Variants in C21orf91 observed in about 807,000 individuals in gnomAD.
C21orf91 encodes the protein protein EURL homolog.
Under a neutral mutation model 32.9 loss-of-function variants are expected in C21orf91, and 26 were observed. That is an observed-to-expected ratio of 0.79 (90% CI 0.58 to 1.10). The LOEUF (loss-of-function observed/expected upper bound fraction) is 1.10, where lower values mean the gene tolerates loss of function less well. Among genes scored for constraint, C21orf91 ranks in the 50% least tolerant of loss-of-function variants. The pLI is 0.00. For synonymous variants in C21orf91, 126 were observed against 120.4 expected, an observed-to-expected ratio of 1.05 and a Z score of -0.31; for missense variants, 310 against 341.3, an observed-to-expected ratio of 0.91 and a Z score of 0.72.
At chr21:17,808,073 CTTTG>C (rs2146258405) in intron 2 of C21orf91, among the ~76,000 whole-genome samples, 1 of 152,188 alleles carries the variant, frequency 6.6e-6, no homozygotes, top group East Asian at 1.9e-4. Flanking sequence ...TTTCAGAGAC[CTTTG>C]TTGCAGCCCT....
chr21:17,818,226 G>A lies in C21orf91; in HGVS notation c.93C>T (p.Ser31=). The A allele has an allele frequency of 6.2e-7, 1 of 1,610,414 alleles. No individual in the cohort carries two copies. Among genetic ancestry groups the A allele is most frequent in the Non-Finnish European group, 8.5e-7 (1 of 1,176,700 alleles). The stretch of plus-strand genomic sequence containing the variant: ...TTAGCTCAAAACAAATGTGGCAGAA[G>A]GAGAGTGTTTCTTTGTCTGTTCCCA... ...CKLGTDKETL[S]FCHICFELNI... Residue 31 remains serine, a synonymous_variant, in exon 2 of 5, where the codon TCC becomes TCT. Coordinates refer to ENST00000284881, the MANE Select transcript of C21orf91 (RefSeq NM_001100420.2).
chr21:17,798,320 C>T (rs1252456768), intron 2 of C21orf91, among the ~76,000 whole-genome samples: 2 of 152,218 alleles, frequency 1.3e-5, no homozygotes, highest in Non-Finnish European at 2.9e-5. Flanking sequence ...TATTAGCATA[C>T]TTGTGAATAT....
At chr21:17,814,855 C>T (rs557859088) in intron 2 of C21orf91, among the ~76,000 whole-genome samples, 2 of 152,252 alleles carry the variant, frequency 1.3e-5, no homozygotes, top group Admixed American at 6.5e-5. Flanking sequence ...CAGATCCAAA[C>T]CATATCAAAT....
intron 3 of C21orf91, among the ~76,000 whole-genome samples, chr21:17,796,133 A>T (rs1003904455): frequency 6.6e-6 from 1 of 152,194 alleles, no homozygotes; most frequent in African/African-American, 2.4e-5. Context: ...AGAGAGAATG[A>T]GTCACCCTTT....
chr21:17,802,203 C>T (rs1325330758), intron 2 of C21orf91, among the ~76,000 whole-genome samples: 4 of 152,308 alleles, frequency 2.6e-5, no homozygotes, highest in South Asian at 4.1e-4. Flanking sequence ...CCTTGTTGCC[C>T]GGGCTGAAGT....
At chr21:17,802,156 G>A (rs889587955) in intron 2 of C21orf91, among the ~76,000 whole-genome samples, 1 of 152,060 alleles carries the variant, frequency 6.6e-6, no homozygotes, top group African/African-American at 2.4e-5. Flanking sequence ...AGCTCTAGTT[G>A]CCATCATTAC....
chr21:17,804,004 TAATG>T (rs1208039204), intron 2 of C21orf91, among the ~76,000 whole-genome samples: 1 of 152,194 alleles, frequency 6.6e-6, no homozygotes, highest in Non-Finnish European at 1.5e-5. Flanking sequence ...ATTATTTCCT[TAATG>T]AAAGCACTTG....
At chr21:17,793,615 T>G in intron 4 of C21orf91, 34 bp from the exon 5 acceptor site, 1 of 1,433,032 alleles carries the variant, frequency 7.0e-7, no homozygotes, top group Non-Finnish European at 9.8e-7. Flanking sequence ...ATTTTTAGTA[T>G]GCAGAAAGCC....
At chr21:17,814,992 C>T (rs961218791) in intron 2 of C21orf91, among the ~76,000 whole-genome samples, 1 of 152,158 alleles carries the variant, frequency 6.6e-6, no homozygotes, top group Non-Finnish European at 1.5e-5. Flanking sequence ...ATGTAGGCTC[C>T]TCTTTCTTTT....
Position 17,789,970 on chromosome 21 carries a change from A to G in C21orf91, c.*3445T>C, listed in dbSNP as rs2062460435. On this transcript the variant is annotated 3_prime_UTR_variant, in exon 5 of 5. Transcript: ENST00000284881. ...AAACGGCATCAATTATCTTTGCCTT[A>G]CATCTGAACAAAAAGTATTAACTTT... The G allele has an allele frequency of 6.6e-6, 1 of 152,174 alleles. No homozygotes were observed. The highest frequency in any genetic ancestry group is 1.9e-4 in the East Asian group (1 of 5,200). 9.4% of individuals were successfully genotyped at this position (152,174 alleles called of 1,614,324 possible). A position where few individuals can be genotyped will look rare whatever the true frequency, so the allele number is the denominator to read the frequency against.
At chr21:17,814,390 G>A (rs1453378408) in intron 2 of C21orf91, among the ~76,000 whole-genome samples, 1 of 152,184 alleles carries the variant, frequency 6.6e-6, no homozygotes, top group Non-Finnish European at 1.5e-5. Context: ...TATTTAGGAA[G>A]TTTATGCACC....
chr21:17,797,559 C>A (rs2062529108), intron 2 of C21orf91, among the ~76,000 whole-genome samples: 1 of 149,722 alleles, frequency 6.7e-6, no homozygotes. Flanking sequence ...CACAGTAAAT[C>A]ATGTTCTTAA....
At chr21:17,816,700 G>A (rs975513850) in intron 2 of C21orf91, among the ~76,000 whole-genome samples, 1 of 152,186 alleles carries the variant, frequency 6.6e-6, no homozygotes, top group African/African-American at 2.4e-5. Context: ...AGTTAAATAA[G>A]ATAATCCACA....
chr21:17,816,953 T>C (rs1568758208), intron 2 of C21orf91, among the ~76,000 whole-genome samples: 1 of 152,256 alleles, frequency 6.6e-6, no homozygotes, highest in Admixed American at 6.5e-5. Flanking sequence ...TTAAGTACTG[T>C]AAAAGAAACT....
rs760599397 is a variant in C21orf91 at position 17,797,074 on chromosome 21, G to A, written c.172C>T (p.His58Tyr). ...TGGTATTTTTCAAAGCAGTCTTTATGGCCCCTTAATGATTTGGTGTGCAAG... is the reference window on the plus strand; with the variant it reads ...TGGTATTTTTCAAAGCAGTCTTTATAGCCCCTTAATGATTTGGTGTGCAAG... ...DLLHTKSLRG[H>Y]KDCFEKYHLI... The change falls in exon 3 of 5, where the codon CAT becomes TAT. Residue 58 changes from histidine to tyrosine, a missense_variant. Transcript: ENST00000284881. 3.7e-6 allele frequency: 6 copies of A among 1,609,504 alleles called. No individual in the cohort carries two copies. Among genetic ancestry groups the A allele is most frequent in the Non-Finnish European group, 5.1e-6 (6 of 1,177,030 alleles).
intron 2 of C21orf91, among the ~76,000 whole-genome samples, chr21:17,805,302 AC>A (rs1299053152): frequency 4.6e-5 from 7 of 152,236 alleles, no homozygotes; most frequent in Admixed American, 2.6e-4. Context: ...TTCTTTTAAA[AC>A]CGTAATGACT....
At chr21:17,804,495 A>G (rs2062582557) in intron 2 of C21orf91, among the ~76,000 whole-genome samples, 1 of 152,206 alleles carries the variant, frequency 6.6e-6, no homozygotes, top group Non-Finnish European at 1.5e-5. Flanking sequence ...TACCCAACAT[A>G]CCGTTTAAAA....
rs1202108082 is a variant in C21orf91, at chr21:17,793,269, T to C, written c.*146A>G. 3 of 532,956 alleles carry C rather than the reference T, an allele frequency of 5.6e-6. No individual in the cohort carries two copies. The East Asian group carries it at 8.8e-5, about 16-fold the overall frequency. 33.0% of individuals were successfully genotyped at this position (532,956 alleles called of 1,614,324 possible). On this transcript the variant is annotated 3_prime_UTR_variant, in exon 5 of 5. Coordinates refer to ENST00000284881, the MANE Select transcript of C21orf91 (RefSeq NM_001100420.2). ...GACTAGAGTATAATGATCTGCTTTA[T>C]TTGACAAAGATGTTAAATACTGCCT...
intron 2 of C21orf91, among the ~76,000 whole-genome samples, chr21:17,803,338 T>C (rs1207983828): frequency 6.6e-6 from 1 of 152,130 alleles, no homozygotes; most frequent in Admixed American, 6.5e-5. Flanking sequence ...CTGGGCAACA[T>C]TGTGAAACCT....
Sources: allele counts gnomAD v4.1 joint callset (sites outside exome capture counted in the v4.1 genomes callset), GRCh38; gene constraint gnomAD v4.1.1; transcripts MANE v1.5; gene names NCBI Gene and HGNC (gene_info 2026-07-23, HGNC 2026-07-21).